CUX2: variants seen among roughly 807,000 people sequenced by gnomAD.
The protein encoded by CUX2 is homeobox protein cut-like 2.
In CUX2, 40 loss-of-function variants were observed where a neutral mutation model predicts 144.8. That is an observed-to-expected ratio of 0.28 (90% CI 0.21 to 0.36). The LOEUF (loss-of-function observed/expected upper bound fraction) is 0.36. Ranked by LOEUF, CUX2 falls within the 10% of genes least tolerant of loss-of-function variation. The pLI is 1.00. For synonymous variants in CUX2, 827 were observed against 875.6 expected (o/e 0.94, Z 0.98); for missense variants, 1,615 against 1,994.0 (o/e 0.81, Z 3.62).
intron 1 of CUX2, among the ~76,000 whole-genome samples, chr12:111,146,246 A>G (rs1876661379): frequency 1.3e-5 from 2 of 152,158 alleles, no homozygotes; most frequent in Admixed American, 1.3e-4. Context: ...TGTACATGCT[A>G]TGGGTTTGGA....
chr12:111,212,240 C>T (rs1881274317), intron 1 of CUX2, among the ~76,000 whole-genome samples: 1 of 152,138 alleles, frequency 6.6e-6, no homozygotes, highest in Non-Finnish European at 1.5e-5. Context: ...CCAGAATTCC[C>T]CCTTTTTGCT....
intron 1 of CUX2, among the ~76,000 whole-genome samples, chr12:111,139,057 C>A (rs555795368): frequency 1.4e-4 from 22 of 151,820 alleles, no homozygotes; most frequent in African/African-American, 5.3e-4. Flanking sequence ...AGACAGAATC[C>A]CATCTGGACT....
intron 1 of CUX2, among the ~76,000 whole-genome samples, chr12:111,038,770 T>TG (rs896680330): frequency 6.6e-6 from 1 of 152,012 alleles, no homozygotes; most frequent in Non-Finnish European, 1.5e-5. Flanking sequence ...GTTTTACTGT[T>TG]GGGGGTCTTG....
intron 1 of CUX2, among the ~76,000 whole-genome samples, chr12:111,198,124 C>G (rs1202858750): frequency 6.6e-6 from 1 of 152,050 alleles, no homozygotes; most frequent in Non-Finnish European, 1.5e-5. Context: ...TCTTTTCATA[C>G]TCATTATTGT....
chr12:111,303,809 A>G (rs925720187), intron 9 of CUX2, among the ~76,000 whole-genome samples: 13 of 152,082 alleles, frequency 8.5e-5, no homozygotes, highest in Admixed American at 3.9e-4. Context: ...CAGACTAGCC[A>G]GGCCTGAAGT....
intron 18 of CUX2, among the ~76,000 whole-genome samples, chr12:111,330,686 C>CATATATAT (rs57018141): frequency 6.7e-5 from 4 of 59,348 alleles, no homozygotes; most frequent in Non-Finnish European, 1.5e-4. Context: ...AATACATATA[C>CATATATAT]ATATATATAT....
intron 1 of CUX2, among the ~76,000 whole-genome samples, chr12:111,196,642 C>G (rs1356311759): frequency 6.6e-6 from 1 of 152,126 alleles, no homozygotes; most frequent in Non-Finnish European, 1.5e-5. Flanking sequence ...CAGCACTGTC[C>G]CATAGAACAT....
chr12:111,048,963 T>C (rs963755438), intron 1 of CUX2, among the ~76,000 whole-genome samples: 1 of 152,128 alleles, frequency 6.6e-6, no homozygotes, highest in Non-Finnish European at 1.5e-5. Context: ...CATCATCCAC[T>C]CATCCACCAC....
chr12:111,097,293 C>T (rs958639116), intron 1 of CUX2, among the ~76,000 whole-genome samples: 1 of 152,142 alleles, frequency 6.6e-6, no homozygotes, highest in African/African-American at 2.4e-5. Context: ...TACTCAGATG[C>T]CTGTCTTGGG....
At position 111,310,119 on chromosome 12, in the gene CUX2, C is replaced by T. The variant is rs1381665505; in HGVS notation, c.1337C>T (p.Pro446Leu). The change falls in exon 15 of 22, where the codon CCA becomes CTA. Residue 446 changes from proline to leucine, a missense_variant. By Grantham distance (98) the Pro-to-Leu change is moderately conservative (BLOSUM62 -3). Transcript: ENST00000261726. This position sits in a 1 kb window ranked among gnomAD's most constrained non-coding sequence, Gnocchi z 7.9. ...TCCTACCCCTCCCCTCAGCAGCTCC[C>T]ACCTCCACCAGGGCCAGAAGACCCC... Reference protein sequence around the residue: ...EQSYPSPQQLPPPPGPEDPLS... With the variant: ...EQSYPSPQQLLPPPGPEDPLS... 1 of 1,486,834 alleles carries T rather than the reference C, an allele frequency of 6.7e-7. No individual in the cohort carries two copies. 92.1% of individuals were successfully genotyped at this position (1,486,834 alleles called of 1,614,324 possible). A position where few individuals can be genotyped will look rare whatever the true frequency, so the allele number is the denominator to read the frequency against.
At chr12:111,115,576 G>T (rs886333495) in intron 1 of CUX2, among the ~76,000 whole-genome samples, 1 of 151,868 alleles carries the variant, frequency 6.6e-6, no homozygotes, top group Admixed American at 6.6e-5. Context: ...TAATAATATT[G>T]AATCTTCCAA....
intron 1 of CUX2, among the ~76,000 whole-genome samples, chr12:111,093,353 G>T (rs996020868): frequency 2.0e-5 from 3 of 152,180 alleles, no homozygotes; most frequent in South Asian, 4.1e-4. Flanking sequence ...CCTAGCTTTT[G>T]CATCTCCTGC....
At chr12:111,196,877 C>G (rs1340749564) in intron 1 of CUX2, among the ~76,000 whole-genome samples, 1 of 152,186 alleles carries the variant, frequency 6.6e-6, no homozygotes, top group African/African-American at 2.4e-5. Context: ...GTTCTGGGTC[C>G]TTGAATCTTT....
intron 1 of CUX2, among the ~76,000 whole-genome samples, chr12:111,161,090 C>A (rs1397144797): frequency 6.6e-6 from 1 of 152,118 alleles, no homozygotes; most frequent in East Asian, 1.9e-4. Flanking sequence ...ACGGGGCAGA[C>A]TGTGTCTCCT....
chr12:111,307,288 T>G lies in CUX2; in HGVS notation c.1109+31T>G, dbSNP rs370620803. 4.4e-6 allele frequency: 7 copies of G among 1,602,172 alleles called. No homozygotes were observed. The highest frequency in any genetic ancestry group is 6.0e-6 in the Non-Finnish European group (7 of 1,170,386). On this transcript the variant is annotated intron_variant, in intron 12 of 21. Transcript: ENST00000261726. This position sits in a 1 kb window ranked among gnomAD's most constrained non-coding sequence, Gnocchi z 4.1. ...ATGTGGGGTGGGGCTCCACAGACCC[T>G]CAGTGCTCTTCCCTGGCCAGGAGCT...
At position 111,293,582 on chromosome 12, in the gene CUX2, A is replaced by T; in HGVS notation, c.560+13A>T. The stretch of plus-strand genomic sequence containing the variant: ...CGGAAAAACAAAAGTGAGGAAGGGA[A>T]GGTGGGTGGGAGGGAGGAAGGAATG... On this transcript the variant is annotated intron_variant, in intron 6 of 21. Coordinates refer to ENST00000261726, the MANE Select transcript of CUX2 (RefSeq NM_015267.4). The surrounding 1 kb of genome is among the most constrained non-coding windows in gnomAD (Gnocchi z 4.5). 6.4e-7 allele frequency: 1 copy of T among 1,558,840 alleles called. No homozygotes were observed.
In CUX2 at chr12:111,325,729, T is replaced by G. The variant is rs182039330; in HGVS notation, c.2926+3149T>G. Among the ~76,000 whole-genome samples, 31 of 5,256 alleles carry G rather than the reference T, an allele frequency of 5.9e-3. 1 individual carries two copies. The highest frequency in any genetic ancestry group is 0.1 in the East Asian group (1 of 10). 3.4% of individuals were successfully genotyped at this position (5,256 alleles called of 152,430 possible). Reference sequence around the variant, plus strand: ...GGGTGGGTTTGTTTATAGTGTTGTGTTGGGGGAGGGGTGGGTTTTGTTTAT... The same window carrying G: ...GGGTGGGTTTGTTTATAGTGTTGTGGTGGGGGAGGGGTGGGTTTTGTTTAT... On this transcript the variant is annotated intron_variant, in intron 18 of 21. Coordinates refer to ENST00000261726, the MANE Select transcript of CUX2 (RefSeq NM_015267.4).
At chr12:111,170,088 C>T (rs1020890692) in intron 1 of CUX2, among the ~76,000 whole-genome samples, 1 of 152,172 alleles carries the variant, frequency 6.6e-6, no homozygotes, top group Non-Finnish European at 1.5e-5. Context: ...AGCCCCTATG[C>T]AGCAGTAAGG....
chr12:111,072,170 C>T (rs1044166625), intron 1 of CUX2, among the ~76,000 whole-genome samples: 1 of 152,312 alleles, frequency 6.6e-6, no homozygotes, highest in East Asian at 1.9e-4. Context: ...GGGATTTTAA[C>T]TGGGATTGCA....
Sources: gnomAD v4.1 joint callset for allele counts (sites outside exome capture counted in the v4.1 genomes callset) on GRCh38, gnomAD v4.1.1 for gene constraint, Gnocchi (gnomAD v3.1) non-coding constraint, MANE v1.5 for transcripts, NCBI Gene and HGNC (gene_info 2026-07-23, HGNC 2026-07-21) for gene names.